The following RAPGEF4 variants were observed in gnomAD, a reference collection of about 807,000 sequenced individuals.
RAPGEF4 encodes RAP guanine-nucleotide-exchange factor (GEF) 4.
In RAPGEF4, 66 loss-of-function variants were observed where a neutral mutation model predicts 147.9. The ratio of observed to expected loss-of-function variants is 0.45; its 90% confidence interval spans 0.37 to 0.55. The LOEUF is 0.55. Among genes scored for constraint, RAPGEF4 ranks in the 20% least tolerant of loss-of-function variants. The pLI is 0.00. For missense variants in RAPGEF4, 1,071 were observed against 1,257.3 expected, an observed-to-expected ratio of 0.85 and a Z score of 2.24; for synonymous variants, 419 against 442.7, an observed-to-expected ratio of 0.95 and a Z score of 0.67.
At chr2:172,868,911 T>C (rs934642844) in intron 4 of RAPGEF4, among the ~76,000 whole-genome samples, 51 of 152,314 alleles carry the variant, frequency 3.3e-4, no homozygotes, top group Admixed American at 2.9e-3. Context: ...GGAGCAGGCA[T>C]GTCACTGACG....
intron 6 of RAPGEF4, among the ~76,000 whole-genome samples, chr2:172,927,635 TA>T (rs146175839): frequency 2.0e-5 from 3 of 148,898 alleles, no homozygotes; most frequent in African/African-American, 2.5e-5. Flanking sequence ...ACCTTGTCTC[TA>T]AAAAAAAAAG....
At chr2:172,952,975 G>A (rs928745972) in intron 6 of RAPGEF4, among the ~76,000 whole-genome samples, 3 of 152,122 alleles carry the variant, frequency 2.0e-5, no homozygotes, top group African/African-American at 7.2e-5. Flanking sequence ...CACCTGCTAA[G>A]AGCAGTACTC....
At position 172,781,690 on chromosome 2, in the gene RAPGEF4, G is replaced by A. The variant is rs377176573; in HGVS notation, c.66-13335G>A. ...TGGATACCAAAATCTGCAGACGCTC[G>A]AGACCCTGATATAAAATGGTGTAGT... On this transcript the variant is annotated intron_variant, in intron 1 of 30. Coordinates refer to ENST00000397081, the MANE Select transcript of RAPGEF4 (RefSeq NM_007023.4). 5.4e-4 allele frequency among the ~76,000 whole-genome samples: 82 copies of A among 152,182 alleles called. No homozygotes were observed. The South Asian group carries it at 0.016, about 30-fold the overall frequency.
chr2:172,941,873 G>A (rs1053294985), intron 6 of RAPGEF4, among the ~76,000 whole-genome samples: 4 of 152,028 alleles, frequency 2.6e-5, no homozygotes, highest in East Asian at 1.9e-4. Flanking sequence ...ATAAGAACAC[G>A]CATATAAAGT....
chr2:172,748,974 A>C (rs1029180247), intron 1 of RAPGEF4, among the ~76,000 whole-genome samples: 1 of 152,112 alleles, frequency 6.6e-6, no homozygotes, highest in Non-Finnish European at 1.5e-5. Flanking sequence ...ATCTCTGTTG[A>C]CTCCACATCT....
chr2:172,922,631 A>G (rs566654161), intron 6 of RAPGEF4, among the ~76,000 whole-genome samples: 1 of 152,352 alleles, frequency 6.6e-6, no homozygotes, highest in African/African-American at 2.4e-5. Flanking sequence ...GCATATAGAA[A>G]ACTAGTTGTT....
chr2:172,818,253 A>T (rs1688710987), intron 4 of RAPGEF4, among the ~76,000 whole-genome samples: 1 of 152,108 alleles, frequency 6.6e-6, no homozygotes, highest in Non-Finnish European at 1.5e-5. Flanking sequence ...CAGGTGATGG[A>T]TGCACGAAAA....
At chr2:173,018,904 G>A (rs1695763468) in intron 22 of RAPGEF4, 102 bp downstream of exon 22, 1 of 1,285,978 alleles carries the variant, frequency 7.8e-7, no homozygotes, top group Non-Finnish European at 1.1e-6. Flanking sequence ...CTCACCCAGA[G>A]GATGAACTGG....
intron 1 of RAPGEF4, among the ~76,000 whole-genome samples, chr2:172,784,379 A>G (rs1323394254): frequency 2.0e-5 from 3 of 152,194 alleles, no homozygotes; most frequent in East Asian, 3.9e-4. Flanking sequence ...TTAGCCGGGC[A>G]TGGTGGCAGG....
intron 1 of RAPGEF4, among the ~76,000 whole-genome samples, chr2:172,750,521 G>A (rs964794829): frequency 7.2e-5 from 11 of 152,028 alleles, no homozygotes; most frequent in Admixed American, 5.2e-4. Flanking sequence ...GTCCCGTCCC[G>A]CAACACATAG....
chr2:173,051,721 G>A lies in RAPGEF4; in HGVS notation c.2990G>A (p.Arg997Lys), dbSNP rs761350595. Residue 997 changes from arginine to lysine, a missense_variant, in exon 31 of 31, where the codon AGA becomes AAA. Arg to Lys is a conservative substitution (Grantham distance 26). Transcript: ENST00000397081. ...VRQLNVIDNQ[R>K]TLSQMSHRLE... ...CAATTAAATGTGATTGACAACCAGA[G>A]AACTTTATCACAGATGTCACACAGA... The A allele has an allele frequency of 1.2e-6, 2 of 1,613,996 alleles. No individual in the cohort carries two copies. The highest frequency in any genetic ancestry group is 1.7e-6 in the Non-Finnish European group (2 of 1,179,932).
intron 29 of RAPGEF4, among the ~76,000 whole-genome samples, chr2:173,047,150 AC>A (rs111844501): frequency 0.25 from 37,560 of 152,028 alleles, 4,982 homozygotes; most frequent in East Asian, 0.6. Context: ...GTGTCCTGAA[AC>A]ATACATAGTG....
chr2:172,817,613 A>T (rs12996098), intron 4 of RAPGEF4, among the ~76,000 whole-genome samples: 34,476 of 151,870 alleles, frequency 0.23, 4,457 homozygotes, highest in Non-Finnish European at 0.29. Context: ...GAACAGTAAG[A>T]GTGCAGAAAG....
Position 173,033,983 on chromosome 2 carries a change from T to C in RAPGEF4, c.2700+19T>C, listed in dbSNP as rs746945007. 6.2e-7 allele frequency: 1 copy of C among 1,604,134 alleles called. No homozygotes were observed. The highest frequency in any genetic ancestry group is 2.2e-5 in the East Asian group (1 of 44,828). On this transcript the variant is annotated intron_variant, in intron 27 of 30. Coordinates refer to ENST00000397081, the MANE Select transcript of RAPGEF4 (RefSeq NM_007023.4). ...TTTAATGGTAAGTGACAGTGGCTTC[T>C]TTATTCTGTTCACTGTCTACATTAA... is the stretch of plus-strand genomic sequence containing the variant.
chr2:172,893,619 C>T (rs1170734127), intron 4 of RAPGEF4: 1 of 152,092 alleles, frequency 6.6e-6, no homozygotes, highest in Non-Finnish European at 1.5e-5. Flanking sequence ...GTTAGAGCCT[C>T]AGGTGTACAA....
chr2:172,906,618 G>A (rs1415436401), intron 4 of RAPGEF4, among the ~76,000 whole-genome samples: 2 of 152,336 alleles, frequency 1.3e-5, no homozygotes, highest in Non-Finnish European at 1.5e-5. Context: ...CATCTGGGTG[G>A]GAATGTGGTA....
At chr2:172,806,950 TTGTC>T (rs1687556556) in intron 3 of RAPGEF4, among the ~76,000 whole-genome samples, 1 of 152,238 alleles carries the variant, frequency 6.6e-6, no homozygotes, top group South Asian at 2.1e-4. Flanking sequence ...CTCTCTACCT[TTGTC>T]TGTCTTTCTC....
chr2:172,898,037 G>A (rs1173608090), intron 4 of RAPGEF4, among the ~76,000 whole-genome samples: 1 of 152,142 alleles, frequency 6.6e-6, no homozygotes, highest in Non-Finnish European at 1.5e-5. Flanking sequence ...TGCAGGCTGA[G>A]CACAGCTGTG....
intron 10 of RAPGEF4, among the ~76,000 whole-genome samples, chr2:172,976,263 A>G (rs1350839183): frequency 2.0e-5 from 3 of 152,142 alleles, no homozygotes; most frequent in South Asian, 2.1e-4. Context: ...GACACTTTAA[A>G]TGTGCAGTCA....
Sources: allele counts gnomAD v4.1 joint callset (sites outside exome capture counted in the v4.1 genomes callset), GRCh38; gene constraint gnomAD v4.1.1; transcripts MANE v1.5; gene names NCBI Gene and HGNC (gene_info 2026-07-23, HGNC 2026-07-21).